Variants in SPECC1L observed in about 807,000 individuals in gnomAD.
SPECC1L encodes the protein cytospin-A.
A neutral mutation model predicts 116.8 loss-of-function variants in SPECC1L; 40 were observed. The ratio of observed to expected loss-of-function variants is 0.34; its 90% confidence interval spans 0.27 to 0.45. The LOEUF (loss-of-function observed/expected upper bound fraction) is 0.45, where lower values mean the gene tolerates loss of function less well. Among genes scored for constraint, SPECC1L ranks in the 20% least tolerant of loss-of-function variants. The pLI is 1.00. For missense variants in SPECC1L, 1,110 were observed against 1,373.6 expected (o/e 0.81, Z 3.03); for synonymous variants, 504 against 500.6 (o/e 1.01, Z -0.09).
chr22:24,389,220 G>A (rs755419873), intron 14 of SPECC1L, among the ~76,000 whole-genome samples: 26 of 150,164 alleles, frequency 1.7e-4, no homozygotes, highest in Non-Finnish European at 3.4e-4. Context: ...GGGTTCAAGC[G>A]ATTCTCCTGC....
intron 2 of SPECC1L, among the ~76,000 whole-genome samples, chr22:24,278,287 G>A (rs1246585949): frequency 6.6e-5 from 10 of 152,234 alleles, no homozygotes; most frequent in African/African-American, 2.2e-4. Flanking sequence ...CCTGAGCCCA[G>A]AAGTTTGAGG....
At position 24,322,910 on chromosome 22, in the gene SPECC1L, A is replaced by G. The variant is rs1360976036; in HGVS notation, c.1930A>G (p.Ile644Val). Reference protein sequence around the residue: ...RNDANRLQDAIAKVEDEYRAF... With the variant: ...RNDANRLQDAVAKVEDEYRAF... ...TGATGCCAATCGATTACAGGATGCC[A>G]TTGCTAAGGTATTGTTTAAATAGAT... Residue 644 changes from isoleucine (I) to valine (V), a missense_variant, in exon 5 of 17, where the codon ATT (isoleucine) becomes GTT (valine). By Grantham distance (29) the Ile-to-Val change is conservative (BLOSUM62 3). Coordinates refer to ENST00000314328, the MANE Select transcript of SPECC1L (RefSeq NM_015330.6). The G allele has an allele frequency of 1.2e-6, 2 of 1,613,960 alleles. No individual in the cohort carries two copies. Among genetic ancestry groups the G allele is most frequent in the South Asian group, 1.1e-5 (1 of 91,072 alleles).
intron 11 of SPECC1L, among the ~76,000 whole-genome samples, chr22:24,355,033 C>T (rs886299789): frequency 2.0e-5 from 3 of 151,292 alleles, no homozygotes; most frequent in Non-Finnish European, 4.4e-5. Flanking sequence ...GTAATCCCAG[C>T]ACTTTGGGAG....
At chr22:24,287,982 TC>T (rs2049074775) in intron 2 of SPECC1L, among the ~76,000 whole-genome samples, 1 of 152,166 alleles carries the variant, frequency 6.6e-6, no homozygotes, top group South Asian at 2.1e-4. Flanking sequence ...ATCTCAGATT[TC>T]ATTCCGGGAG....
chr22:24,281,152 T>C (rs191762261), intron 2 of SPECC1L, among the ~76,000 whole-genome samples: 50 of 152,366 alleles, frequency 3.3e-4, no homozygotes, highest in African/African-American at 1.2e-3. Flanking sequence ...TGTATTTATA[T>C]GTGTTCCTGG....
At chr22:24,378,442 T>C (rs1418817451) in intron 14 of SPECC1L, among the ~76,000 whole-genome samples, 1 of 152,274 alleles carries the variant, frequency 6.6e-6, no homozygotes, top group Non-Finnish European at 1.5e-5. Context: ...TATAGCACTT[T>C]TAATTTCCTT....
chr22:24,307,631 G>A (rs1022936164), intron 3 of SPECC1L, among the ~76,000 whole-genome samples: 8 of 151,990 alleles, frequency 5.3e-5, no homozygotes, highest in African/African-American at 9.7e-5. Context: ...ATGTACGTAC[G>A]TGTATGTGTA....
At chr22:24,386,699 G>A (rs1380916573) in intron 14 of SPECC1L, among the ~76,000 whole-genome samples, 5 of 151,998 alleles carry the variant, frequency 3.3e-5, no homozygotes, top group African/African-American at 4.8e-5. Flanking sequence ...CACCTCCCAG[G>A]TTCACACCAT....
chr22:24,368,272 A>T (rs1409561938), intron 13 of SPECC1L, among the ~76,000 whole-genome samples: 5 of 152,128 alleles, frequency 3.3e-5, no homozygotes, highest in African/African-American at 1.2e-4. Context: ...GTTCCTTGGG[A>T]TAGGGGCCCT....
intron 14 of SPECC1L, among the ~76,000 whole-genome samples, chr22:24,372,779 G>T (rs2041897139): frequency 6.6e-6 from 1 of 151,080 alleles, no homozygotes. Flanking sequence ...GGCCAGGGCA[G>T]TCAGGCAGGA....
At chr22:24,344,404 T>C (rs988345131) in intron 10 of SPECC1L, among the ~76,000 whole-genome samples, 13 of 151,890 alleles carry the variant, frequency 8.6e-5, no homozygotes, top group African/African-American at 3.1e-4. Context: ...TTTACATCCA[T>C]TCATAGTAAA....
chr22:24,272,579 A>AGGAGAATTGC (rs890570437), intron 1 of SPECC1L, among the ~76,000 whole-genome samples: 13 of 151,754 alleles, frequency 8.6e-5, no homozygotes, highest in African/African-American at 3.1e-4. Context: ...AGGCCGAGAC[A>AGGAGAATTGC]GGAGAATTGC....
chr22:24,364,036 G>A (rs761818189), intron 12 of SPECC1L, among the ~76,000 whole-genome samples: 4 of 152,254 alleles, frequency 2.6e-5, no homozygotes, highest in East Asian at 3.9e-4. Flanking sequence ...AGTTAATGGC[G>A]CCTGCAGATC....
intron 4 of SPECC1L, among the ~76,000 whole-genome samples, chr22:24,319,762 C>T (rs557667174): frequency 1.3e-5 from 2 of 152,200 alleles, no homozygotes; most frequent in Admixed American, 1.3e-4. Flanking sequence ...TATACCTGTT[C>T]TGTTAGTGGC....
chr22:24,397,210 C>T (rs986360783), intron 14 of SPECC1L, among the ~76,000 whole-genome samples: 1 of 151,988 alleles, frequency 6.6e-6, no homozygotes, highest in Non-Finnish European at 1.5e-5. Context: ...GGTGTAGAAA[C>T]GAATACACCG....
intron 4 of SPECC1L, among the ~76,000 whole-genome samples, chr22:24,318,588 C>T (rs1210296386): frequency 3.9e-5 from 6 of 152,002 alleles, no homozygotes; most frequent in African/African-American, 1.4e-4. Context: ...GATGTGGTAC[C>T]ACTTGCAGAA....
intron 1 of SPECC1L, among the ~76,000 whole-genome samples, chr22:24,272,572 C>G (rs1027714305): frequency 6.6e-6 from 1 of 151,692 alleles, no homozygotes; most frequent in African/African-American, 2.4e-5. Flanking sequence ...GCTCGGGAGG[C>G]CGAGACAGGA....
intron 3 of SPECC1L, among the ~76,000 whole-genome samples, chr22:24,309,692 A>G (rs1340562970): frequency 2.0e-5 from 3 of 152,130 alleles, no homozygotes; most frequent in Non-Finnish European, 4.4e-5. Flanking sequence ...AGCCACTGCA[A>G]CCGGCCTGAA....
rs2042774965 is a variant in SPECC1L, at chr22:24,415,017, G to T, written c.*394G>T. The T allele has an allele frequency of 4.6e-5, 12 of 261,768 alleles. No homozygotes were observed. The South Asian group carries it at 5.2e-4, about 11-fold the overall frequency. 16.2% of individuals were successfully genotyped at this position (261,768 alleles called of 1,614,324 possible). A position where few individuals can be genotyped will look rare whatever the true frequency, so the allele number is the denominator to read the frequency against. On this transcript the variant is annotated 3_prime_UTR_variant, in exon 17 of 17. Transcript: ENST00000314328. ...ACTCACTAGGGTTGATGAAGGCTCG[G>T]CCGCGGCACTTCCTGACTATTGGCT...
Sources: allele counts gnomAD v4.1 joint callset (sites outside exome capture counted in the v4.1 genomes callset), GRCh38; gene constraint gnomAD v4.1.1; transcripts MANE v1.5; gene names NCBI Gene and HGNC (gene_info 2026-07-23, HGNC 2026-07-21).